PUS10: variants seen among roughly 807,000 people sequenced by gnomAD.
PUS10 encodes the protein tRNA pseudouridine synthase Pus10.
Under a neutral mutation model 75.0 loss-of-function variants are expected in PUS10, and 59 were observed. The ratio of observed to expected loss-of-function variants is 0.79; its 90% confidence interval spans 0.64 to 0.98. The LOEUF (loss-of-function observed/expected upper bound fraction) is 0.98. Among genes scored for constraint, PUS10 ranks in the 50% least tolerant of loss-of-function variants. PUS10 has a pLI of 0.00. For missense variants in PUS10, 650 were observed against 614.4 expected (o/e 1.06, Z -0.61); for synonymous variants, 219 against 211.6 (o/e 1.03, Z -0.30).
intron 4 of PUS10, among the ~76,000 whole-genome samples, chr2:61,002,850 TA>T (rs1482843968): frequency 2.0e-5 from 3 of 152,212 alleles, no homozygotes; most frequent in East Asian, 1.9e-4. Flanking sequence ...CTCTAAGCAT[TA>T]TGTCCCACAA....
chr2:60,971,495 G>C (rs757628361), intron 5 of PUS10, 28 bp downstream of exon 5: 107 of 1,603,216 alleles, frequency 6.7e-5, no homozygotes, highest in Non-Finnish European at 9.0e-5. Flanking sequence ...TTGAATGGTA[G>C]TAAAAATTCC....
At chr2:60,977,753 G>C (rs938089436) in intron 4 of PUS10, among the ~76,000 whole-genome samples, 4 of 152,030 alleles carry the variant, frequency 2.6e-5, no homozygotes, top group African/African-American at 4.8e-5. Flanking sequence ...CCTGATGGAG[G>C]GAAACAAACA....
chr2:60,993,339 C>T (rs1038242458), intron 4 of PUS10, among the ~76,000 whole-genome samples: 2 of 152,024 alleles, frequency 1.3e-5, no homozygotes, highest in African/African-American at 4.8e-5. Context: ...TGGCTGCAGT[C>T]CCCGCTACTT....
In PUS10 at chr2:60,961,458, T is replaced by C. The variant is rs775954962; in HGVS notation, c.874+5A>G. The C allele has an allele frequency of 6.2e-7, 1 of 1,610,966 alleles. No individual in the cohort carries two copies. The highest frequency in any genetic ancestry group is 1.3e-5 in the African/African-American group (1 of 74,828). ...TGTATGTATATTCTAGACTAAATAT[T>C]TTACCAGCCACAAAAACAGCACCAT... On this transcript the variant is annotated splice_donor_5th_base_variant and intron_variant, in intron 10 of 17. Coordinates refer to ENST00000316752, the MANE Select transcript of PUS10 (RefSeq NM_144709.4).
At chr2:60,947,828 C>CAAAAA (rs890632119) in intron 16 of PUS10, among the ~76,000 whole-genome samples, 301 of 39,880 alleles carry the variant, frequency 7.5e-3, no homozygotes, top group Non-Finnish European at 0.011. Context: ...GACTCTGCCT[C>CAAAAA]AAAAAAAAAA....
intron 4 of PUS10, among the ~76,000 whole-genome samples, chr2:60,997,969 C>T (rs922530363): frequency 6.6e-6 from 1 of 152,076 alleles, no homozygotes; most frequent in Non-Finnish European, 1.5e-5. Context: ...ATCGAGAAGC[C>T]ATGCACAAAT....
At position 60,942,443 on chromosome 2, in the gene PUS10, A is replaced by C; in HGVS notation, c.1552-10T>G. On this transcript the variant is annotated splice_polypyrimidine_tract_variant and intron_variant, in intron 17 of 17. Transcript: ENST00000316752. ...AGTCAACATCTACAGACTAGAAGGG[A>C]GAAAAGAAGTCATTAAAACAGATAT... is the stretch of plus-strand genomic sequence containing the variant. 1 of 1,608,522 alleles carries C rather than the reference A, an allele frequency of 6.2e-7. No individual in the cohort carries two copies. Among genetic ancestry groups the C allele is most frequent in the South Asian group, 1.1e-5 (1 of 90,936 alleles).
chr2:61,005,279 A>C (rs1434968130), intron 4 of PUS10, among the ~76,000 whole-genome samples: 1 of 152,178 alleles, frequency 6.6e-6, no homozygotes, highest in Non-Finnish European at 1.5e-5. Flanking sequence ...ACAAACAAAC[A>C]AACAAACAAA....
At position 61,017,823 on chromosome 2, in the gene PUS10, C is replaced by T. The variant is rs1466677796; in HGVS notation, c.-16+185G>A. On this transcript the variant is annotated intron_variant, in intron 1 of 17. Coordinates refer to ENST00000316752, the MANE Select transcript of PUS10 (RefSeq NM_144709.4). Reference sequence around the variant, plus strand: ...GACCCGCCGAATTCCGGGAGCCGGACCGGGACCAGGACCGGGCCCCACTTT... The same window carrying T: ...GACCCGCCGAATTCCGGGAGCCGGATCGGGACCAGGACCGGGCCCCACTTT... The T allele has an allele frequency of 4.5e-6, 7 of 1,550,552 alleles. No homozygotes were observed. The South Asian group carries it at 7.1e-5, about 16-fold the overall frequency.
chr2:60,968,614 GA>G (rs974230172), intron 5 of PUS10, among the ~76,000 whole-genome samples: 16 of 141,350 alleles, frequency 1.1e-4, no homozygotes, highest in African/African-American at 2.1e-4. Flanking sequence ...TAGTTGATCA[GA>G]AAAAAAAAAG....
chr2:60,981,215 C>T (rs1677369965), intron 4 of PUS10, among the ~76,000 whole-genome samples: 1 of 151,284 alleles, frequency 6.6e-6, no homozygotes, highest in African/African-American at 2.4e-5. Flanking sequence ...TTTTTAAGAA[C>T]CTCAAGTAGC....
chr2:61,002,652 A>G (rs1311158874), intron 4 of PUS10, among the ~76,000 whole-genome samples: 1 of 152,228 alleles, frequency 6.6e-6, no homozygotes, highest in African/African-American at 2.4e-5. Context: ...ATTTCTTGCC[A>G]TATCACACTA....
intron 5 of PUS10, among the ~76,000 whole-genome samples, chr2:60,971,056 T>C (rs1302759510): frequency 6.6e-6 from 1 of 151,934 alleles, no homozygotes; most frequent in Non-Finnish European, 1.5e-5. Context: ...GGCAGGCTCC[T>C]GTAATCCCAG....
At position 60,942,096 on chromosome 2, in the gene PUS10, T is replaced by C. The variant is rs1018934379; in HGVS notation, c.*299A>G. 2 of 297,620 alleles carry C rather than the reference T, an allele frequency of 6.7e-6. No individual in the cohort carries two copies. The highest frequency in any genetic ancestry group is 1.4e-4 in the South Asian group (2 of 14,186). 18.4% of individuals were successfully genotyped at this position (297,620 alleles called of 1,614,324 possible). ...AGGTTAACAGAGAATGTGTCCTGTT[T>C]GTGCACCTCTCTAAATGAAAGAATT... On this transcript the variant is annotated 3_prime_UTR_variant, in exon 18 of 18. Coordinates refer to ENST00000316752, the MANE Select transcript of PUS10 (RefSeq NM_144709.4).
chr2:60,960,758 C>T (rs896470613), intron 10 of PUS10, among the ~76,000 whole-genome samples: 4 of 145,362 alleles, frequency 2.8e-5, no homozygotes, highest in African/African-American at 1.0e-4. Context: ...AATGGTACAT[C>T]AAATGAGTTT....
At chr2:60,979,084 G>C (rs534804502) in intron 4 of PUS10, among the ~76,000 whole-genome samples, 29 of 151,166 alleles carry the variant, frequency 1.9e-4, no homozygotes, top group Non-Finnish European at 7.4e-5. Context: ...AGTACCCCCT[G>C]CTCCAAACTC....
chr2:61,000,901 T>A (rs953295517), intron 4 of PUS10, among the ~76,000 whole-genome samples: 4 of 152,174 alleles, frequency 2.6e-5, no homozygotes, highest in South Asian at 4.1e-4. Flanking sequence ...AAATCAAGAA[T>A]AGCTGCAAGT....
intron 4 of PUS10, among the ~76,000 whole-genome samples, chr2:61,001,635 T>C (rs563648731): frequency 1.3e-5 from 2 of 152,324 alleles, no homozygotes; most frequent in South Asian, 4.1e-4. Context: ...CTTCTGAAAC[T>C]GATCCCAGGT....
chr2:60,964,978 CAT>C (rs1480955421), intron 8 of PUS10, 78 bp downstream of exon 8: 1 of 1,145,244 alleles, frequency 8.7e-7, no homozygotes. Context: ...GTTTCTGATG[CAT>C]ATCCTTTTTG....
Sources: gnomAD v4.1 joint callset for allele counts (sites outside exome capture counted in the v4.1 genomes callset) on GRCh38, gnomAD v4.1.1 for gene constraint, MANE v1.5 for transcripts, NCBI Gene and HGNC (gene_info 2026-07-23, HGNC 2026-07-21) for gene names.